Variants in SLC2A14 observed in about 807,000 individuals in gnomAD.
The protein encoded by SLC2A14 is solute carrier family 2 member 14.
SLC2A14 carries 13 observed loss-of-function variants against 43.0 expected under a neutral mutation model. The observed-to-expected ratio is 0.30, with a 90% CI of 0.20 to 0.48. SLC2A14 has a LOEUF of 0.48. SLC2A14 is among the 20% of genes least tolerant of loss of function. The pLI is 0.99. For missense variants in SLC2A14, 428 were observed against 620.4 expected, an observed-to-expected ratio of 0.69 and a Z score of 3.29; for synonymous variants, 190 against 233.8, an observed-to-expected ratio of 0.81 and a Z score of 1.71.
At chr12:7,853,624 G>A (rs888595590) in intron 2 of SLC2A14, among the ~76,000 whole-genome samples, 14 of 151,780 alleles carry the variant, frequency 9.2e-5, no homozygotes, top group African/African-American at 3.4e-4. Flanking sequence ...AAAGAAAACA[G>A]ATGAATTATA....
At chr12:7,876,755 G>A (rs10846100), upstream of SLC2A14, among the ~76,000 whole-genome samples, 129,483 of 151,908 alleles carry the variant, frequency 0.85, 55,495 homozygotes, top group South Asian at 0.95. Flanking sequence ...CTCTGTCAAA[G>A]ATTTTAAAAC....
intron 2 of SLC2A14, among the ~76,000 whole-genome samples, chr12:7,857,886 G>A (rs1428285224): frequency 6.6e-6 from 1 of 152,042 alleles, no homozygotes; most frequent in Non-Finnish European, 1.5e-5. Flanking sequence ...CACTTTGGGA[G>A]GCCAAGGCAG....
Position 7,831,661 on chromosome 12 carries a change from G to A in SLC2A14, c.215C>T (p.Ser72Phe). 2 of 1,614,182 alleles carry A rather than the reference G, an allele frequency of 1.2e-6. No individual in the cohort carries two copies. Among genetic ancestry groups the A allele is most frequent in the Non-Finnish European group, 1.7e-6 (2 of 1,180,038 alleles). The change falls in exon 4 of 11, where the codon TCC becomes TTC. Residue 72 changes from serine (S) to phenylalanine (F), a missense_variant. Physicochemically the swap from Ser to Phe is radical, Grantham distance 155. Coordinates refer to ENST00000431042, the MANE Select transcript of SLC2A14 (RefSeq NM_001286234.2). Reference protein sequence around the residue: ...NLWSLSVAIFSVGGMIGSFSV... With the variant: ...NLWSLSVAIFFVGGMIGSFSV... ...AAAGGAGCCGATCATACCCCCGACG[G>A]AAAATATGGCCACAGACAAGGACCA...
At chr12:7,826,861 T>TCTTTTTTCTTTCTTTCTTTC (rs1555121667) in intron 7 of SLC2A14, among the ~76,000 whole-genome samples, 1 of 60,324 alleles carries the variant, frequency 1.7e-5, no homozygotes, top group Non-Finnish European at 3.2e-5. Flanking sequence ...TTCCTTTCTT[T>TCTTTTTTCTTTCTTTCTTTC]TTTCTTTCTT....
intron 2 of SLC2A14, among the ~76,000 whole-genome samples, chr12:7,834,051 G>A (rs779262131): frequency 2.3e-4 from 31 of 132,076 alleles, no homozygotes; most frequent in Non-Finnish European, 2.8e-4. Context: ...CCTTGCCTGC[G>A]GCCTCTCAGA....
At chr12:7,845,505 C>A (rs748376312) in intron 2 of SLC2A14, among the ~76,000 whole-genome samples, 5 of 152,150 alleles carry the variant, frequency 3.3e-5, no homozygotes, top group Admixed American at 3.3e-4. Context: ...CAAGGCCAGG[C>A]GTGGTGGCTT....
intron 1 of SLC2A14, among the ~76,000 whole-genome samples, chr12:7,883,743 C>T (rs1478270210): frequency 1.4e-5 from 2 of 148,038 alleles, no homozygotes; most frequent in Admixed American, 6.8e-5. Flanking sequence ...ACCACCACGC[C>T]GGGCTAATTT....
chr12:7,851,386 T>C (rs1256450567), intron 2 of SLC2A14, among the ~76,000 whole-genome samples: 7 of 152,094 alleles, frequency 4.6e-5, no homozygotes. Flanking sequence ...CAACTACAAA[T>C]CAGGTGTTCA....
At chr12:7,862,995 G>A (rs892502318) in intron 2 of SLC2A14, among the ~76,000 whole-genome samples, 6 of 152,112 alleles carry the variant, frequency 3.9e-5, no homozygotes, top group Non-Finnish European at 5.9e-5. Flanking sequence ...GAGAATAAAA[G>A]CAGGCTGCCC....
intron 2 of SLC2A14, among the ~76,000 whole-genome samples, chr12:7,841,702 CT>C (rs1454144927): frequency 6.6e-6 from 1 of 152,124 alleles, no homozygotes; most frequent in Non-Finnish European, 1.5e-5. Flanking sequence ...AACAGCTTTA[CT>C]GCCCTAAAAA....
intron 2 of SLC2A14, among the ~76,000 whole-genome samples, chr12:7,848,378 T>C (rs1231460568): frequency 8.3e-6 from 1 of 120,652 alleles, no homozygotes; most frequent in African/African-American, 3.0e-5. Flanking sequence ...ATTGTCTTTT[T>C]TTTATTATTA....
chr12:7,826,865 C>T (rs200436522), intron 7 of SLC2A14, among the ~76,000 whole-genome samples: 3,640 of 15,430 alleles, frequency 0.24, 448 homozygotes, highest in Admixed American at 0.36. Flanking sequence ...TTTCTTTTTT[C>T]TTTCTTTCTT....
intron 2 of SLC2A14, among the ~76,000 whole-genome samples, chr12:7,844,471 G>A (rs956028353): frequency 4.0e-5 from 6 of 151,582 alleles, no homozygotes; most frequent in Non-Finnish European, 7.4e-5. Context: ...CTTTTCTCTC[G>A]ATTGTATACT....
chr12:7,818,325 A>G (rs1390009425), intron 9 of SLC2A14, among the ~76,000 whole-genome samples: 1 of 152,152 alleles, frequency 6.6e-6, no homozygotes. Context: ...CTGGGACTTG[A>G]GGCATGTGCC....
intron 1 of SLC2A14, among the ~76,000 whole-genome samples, chr12:7,883,702 G>A (rs1945635513): frequency 7.2e-6 from 1 of 139,498 alleles, no homozygotes. Context: ...TCCTGCCTCA[G>A]TCTCCCGAGT....
rs1555116002 is a variant in SLC2A14 at position 7,815,890 on chromosome 12, T to TTTG, written c.1276-1357_1276-1356insCAA. On this transcript the variant is annotated intron_variant, in intron 10 of 10. Coordinates refer to ENST00000431042, the MANE Select transcript of SLC2A14 (RefSeq NM_001286234.2). Reference sequence around the variant, plus strand: ...CGTGCCTGGCCAGTTTTGTTTTTTTTTGTTTTTTTGTTTTTGTTTTTGTTT... The same window carrying TTTG: ...CGTGCCTGGCCAGTTTTGTTTTTTTTTTGTGTTTTTTTGTTTTTGTTTTTGTTT... 1.1e-4 allele frequency among the ~76,000 whole-genome samples: 16 copies of TTTG among 145,654 alleles called. No individual in the cohort carries two copies. In the South Asian group the frequency reaches 2.0e-3, roughly 18 times the overall value.
In SLC2A14 at chr12:7,872,796, G is replaced by T. The variant is rs903465964; in HGVS notation, c.-58+11C>A. On this transcript the variant is annotated intron_variant, in intron 1 of 10. Transcript: ENST00000431042. Reference sequence around the variant, plus strand: ...CACCCCCCGGCCGCAGGGACGGCGCGGCGCACCCACCTCCCAGACCCCGCG... The same window carrying T: ...CACCCCCCGGCCGCAGGGACGGCGCTGCGCACCCACCTCCCAGACCCCGCG... 1.7e-5 allele frequency: 17 copies of T among 985,348 alleles called. No individual in the cohort carries two copies. Among genetic ancestry groups the T allele is most frequent in the Non-Finnish European group, 2.0e-5 (17 of 830,046 alleles). The allele number at this position is 985,348 out of a possible 1,614,324, so 61.0% of individuals were successfully genotyped here.
intron 2 of SLC2A14, among the ~76,000 whole-genome samples, chr12:7,849,784 T>A (rs1016422543): frequency 6.7e-6 from 1 of 150,194 alleles, no homozygotes; most frequent in Non-Finnish European, 1.5e-5. Context: ...GCACCTGTAG[T>A]CCCAGCTACT....
chr12:7,873,665 A>G (rs1352371298), upstream of SLC2A14, among the ~76,000 whole-genome samples: 2 of 150,906 alleles, frequency 1.3e-5, no homozygotes, highest in Non-Finnish European at 3.0e-5. Flanking sequence ...AAACAAACAA[A>G]CAAACAAACA....
Sources: gnomAD v4.1 joint callset for allele counts (sites outside exome capture counted in the v4.1 genomes callset) on GRCh38, gnomAD v4.1.1 for gene constraint, MANE v1.5 for transcripts, NCBI Gene and HGNC (gene_info 2026-07-23, HGNC 2026-07-21) for gene names.